SLC5A8: variants seen among roughly 807,000 people sequenced by gnomAD.
The protein encoded by SLC5A8 is solute carrier family 5 member 8, also known as sodium-coupled monocarboxylate transporter 1.
In SLC5A8, 55 loss-of-function variants were observed where a neutral mutation model predicts 71.9. The observed-to-expected ratio is 0.77, with a 90% CI of 0.62 to 0.96. The LOEUF is 0.96. Among genes scored for constraint, SLC5A8 ranks in the 40% least tolerant of loss-of-function variants. The pLI is 0.00. For missense variants in SLC5A8, 701 were observed against 745.3 expected, an observed-to-expected ratio of 0.94 and a Z score of 0.69; for synonymous variants, 307 against 276.1, an observed-to-expected ratio of 1.11 and a Z score of -1.11.
intron 1 of SLC5A8, among the ~76,000 whole-genome samples, chr12:101,205,534 G>A (rs1869642704): frequency 6.6e-6 from 1 of 152,154 alleles, no homozygotes; most frequent in Non-Finnish European, 1.5e-5. Context: ...GTTTAAGGCT[G>A]ACAACAATCT....
rs111870316 is a variant in SLC5A8 at position 101,172,582 on chromosome 12, G to C, written c.1234-4400C>G. Among the ~76,000 whole-genome samples, 730 of 152,280 alleles carry C rather than the reference G, an allele frequency of 4.8e-3. 1 individual carries two copies. Among genetic ancestry groups the C allele is most frequent in the Non-Finnish European group, 8.2e-3 (559 of 68,016 alleles). ...AAGGCCAGGGAGAGCAGAGCCCAGT[G>C]TGAGACCTCTGGCTGCAAGGTCCTG... On this transcript the variant is annotated intron_variant, in intron 10 of 14. Transcript: ENST00000536262.
chr12:101,198,096 C>T (rs1290639207), intron 3 of SLC5A8, among the ~76,000 whole-genome samples: 2 of 151,754 alleles, frequency 1.3e-5, no homozygotes, highest in East Asian at 3.9e-4. Context: ...AAAGAAATCA[C>T]AGGAGAAGTT....
At chr12:101,174,889 A>G (rs1459020767) in intron 10 of SLC5A8, among the ~76,000 whole-genome samples, 1 of 152,222 alleles carries the variant, frequency 6.6e-6, no homozygotes, top group Non-Finnish European at 1.5e-5. Flanking sequence ...TCATCACATA[A>G]TATTGAAATG....
intron 8 of SLC5A8, among the ~76,000 whole-genome samples, chr12:101,183,681 C>T (rs746327772): frequency 5.9e-5 from 9 of 152,222 alleles, no homozygotes; most frequent in South Asian, 2.1e-4. Flanking sequence ...CTGGAACAAA[C>T]GCAAGGAGAA....
In SLC5A8 at chr12:101,209,795, G is replaced by A; in HGVS notation, c.54C>T (p.Phe18=). Residue 18 remains phenylalanine, a synonymous_variant, in exon 1 of 15, where the codon TTC becomes TTT. Transcript: ENST00000536262. ...CGGCCGAGATGACCAGCATGCCCGCGAACACCACGTAGTCCCACACCACGA... is the reference window on the plus strand; with the variant it reads ...CGGCCGAGATGACCAGCATGCCCGCAAACACCACGTAGTCCCACACCACGA... ...GTFVVWDYVV[F]AGMLVISAAI... The A allele has an allele frequency of 6.2e-7, 1 of 1,604,754 alleles. No individual in the cohort carries two copies. The highest frequency in any genetic ancestry group is 2.2e-5 in the East Asian group (1 of 44,794).
chr12:101,166,363 A>G, intron 12 of SLC5A8, 131 bp downstream of exon 12: 1 of 665,366 alleles, frequency 1.5e-6, no homozygotes, highest in Non-Finnish European at 2.4e-6. Context: ...ACTATAGCTA[A>G]CCACATGGGT....
At chr12:101,163,362 T>C (rs1357193943) in intron 12 of SLC5A8, among the ~76,000 whole-genome samples, 2 of 152,150 alleles carry the variant, frequency 1.3e-5, no homozygotes, top group African/African-American at 4.8e-5. Flanking sequence ...AGGCAGGTTT[T>C]TGAAGCTATC....
intron 3 of SLC5A8, among the ~76,000 whole-genome samples, chr12:101,200,710 C>T (rs1869423156): frequency 6.6e-6 from 1 of 151,898 alleles, no homozygotes; most frequent in Non-Finnish European, 1.5e-5. Flanking sequence ...AACATATTTG[C>T]AGCAAAATAA....
At chr12:101,168,256 G>T in intron 10 of SLC5A8, 74 bp from the exon 11 acceptor site, 1 of 1,366,988 alleles carries the variant, frequency 7.3e-7, no homozygotes, top group Non-Finnish European at 1.0e-6. Context: ...CATTTCATCA[G>T]GATAATGACT....
intron 9 of SLC5A8, among the ~76,000 whole-genome samples, chr12:101,181,096 G>A (rs1375935157): frequency 1.3e-5 from 2 of 152,020 alleles, no homozygotes; most frequent in South Asian, 2.1e-4. Context: ...AAATGAATGG[G>A]AAATTTGTCC....
At chr12:101,188,452 C>T (rs1353822015) in intron 6 of SLC5A8, among the ~76,000 whole-genome samples, 2 of 152,100 alleles carry the variant, frequency 1.3e-5, no homozygotes, top group Non-Finnish European at 2.9e-5. Context: ...AGTCATGCCT[C>T]CTTCTTCCCA....
chr12:101,158,288 GGTTA>G lies in SLC5A8; in HGVS notation c.1667_1670del (p.Leu556ProfsTer19). On this transcript the variant is annotated frameshift_variant, in exon 14 of 15. Coordinates refer to ENST00000536262, the MANE Select transcript of SLC5A8 (RefSeq NM_145913.5). LOFTEE classifies it high-confidence loss of function. The stretch of plus-strand genomic sequence containing the variant: ...CAAAATTGGATAAAAAGTCCTCTTT[GGTTA>G]GTATGTATCTGGGGTCTAAGTTCTG... 6.3e-7 allele frequency: 1 copy of G among 1,592,918 alleles called. No individual in the cohort carries two copies. The highest frequency in any genetic ancestry group is 2.3e-5 in the East Asian group (1 of 44,422).
At chr12:101,173,074 C>T (rs2051845510) in intron 10 of SLC5A8, among the ~76,000 whole-genome samples, 1 of 152,182 alleles carries the variant, frequency 6.6e-6, no homozygotes, top group South Asian at 2.1e-4. Flanking sequence ...GCCTGAATAG[C>T]CACTGCAGCG....
At chr12:101,207,848 C>T (rs577406590) in intron 1 of SLC5A8, among the ~76,000 whole-genome samples, 1 of 152,242 alleles carries the variant, frequency 6.6e-6, no homozygotes, top group East Asian at 1.9e-4. Context: ...TACCCCTGTC[C>T]ATTTTGCCTT....
chr12:101,187,273 T>C (rs1868684701), intron 7 of SLC5A8, 113 bp downstream of exon 7: 3 of 1,161,816 alleles, frequency 2.6e-6, no homozygotes, highest in Admixed American at 2.9e-5. Context: ...TGTAAGATGA[T>C]GATGGCATGT....
intron 3 of SLC5A8, chr12:101,199,168 A>T (rs552859917): frequency 6.6e-6 from 1 of 152,038 alleles, no homozygotes; most frequent in Non-Finnish European, 1.5e-5. Context: ...AACAACAATT[A>T]TCTAGGAATA....
chr12:101,182,709 G>C, intron 9 of SLC5A8, 94 bp downstream of exon 9: 10 of 781,076 alleles, frequency 1.3e-5, no homozygotes, highest in Non-Finnish European at 1.9e-5. Flanking sequence ...ATATTCAGAG[G>C]TCCTTCCTCT....
intron 3 of SLC5A8, among the ~76,000 whole-genome samples, chr12:101,195,566 A>G (rs1329322270): frequency 6.6e-6 from 1 of 152,226 alleles, no homozygotes; most frequent in Non-Finnish European, 1.5e-5. Context: ...TGACAATATA[A>G]TGACAATATC....
chr12:101,163,144 GC>G (rs1422665650), intron 12 of SLC5A8, among the ~76,000 whole-genome samples: 1 of 152,192 alleles, frequency 6.6e-6, no homozygotes, highest in Admixed American at 6.5e-5. Flanking sequence ...TAGGCAGGGG[GC>G]TTTTTGTGGG....
Sources: gnomAD v4.1 joint callset for allele counts (sites outside exome capture counted in the v4.1 genomes callset) on GRCh38, gnomAD v4.1.1 for gene constraint, MANE v1.5 for transcripts, NCBI Gene and HGNC (gene_info 2026-07-23, HGNC 2026-07-21) for gene names.